EIF4G3: variants seen among roughly 807,000 people sequenced by gnomAD.
The protein encoded by EIF4G3 is eukaryotic translation initiation factor 4 gamma 3.
In EIF4G3, 34 loss-of-function variants were observed where a neutral mutation model predicts 186.4. The observed-to-expected ratio is 0.18, with a 90% CI of 0.14 to 0.24. EIF4G3 has a LOEUF of 0.24. EIF4G3 is among the 10% of genes least tolerant of loss of function. The pLI, the probability that EIF4G3 is intolerant of heterozygous loss-of-function variation, is 1.00. For missense variants in EIF4G3, 1,536 were observed against 1,948.5 expected (o/e 0.79, Z 3.99); for synonymous variants, 673 against 679.5 (o/e 0.99, Z 0.15).
chr1:20,909,812 T>G (rs1412151686), intron 14 of EIF4G3, among the ~76,000 whole-genome samples: 1 of 151,226 alleles, frequency 6.6e-6, no homozygotes, highest in South Asian at 2.1e-4. Flanking sequence ...GACATGGTCT[T>G]CCTTTGTTGC....
chr1:20,984,513 GA>G (rs1330211015), intron 7 of EIF4G3, among the ~76,000 whole-genome samples: 3 of 150,510 alleles, frequency 2.0e-5, no homozygotes, highest in Non-Finnish European at 3.0e-5. Flanking sequence ...AAGCTAAAGA[GA>G]AATGTATTTG....
At chr1:21,115,993 C>T (rs1221234302) in intron 2 of EIF4G3, among the ~76,000 whole-genome samples, 1 of 151,930 alleles carries the variant, frequency 6.6e-6, no homozygotes, top group African/African-American at 2.4e-5. Context: ...CAAAGTGCTA[C>T]GATTACAGGT....
At chr1:20,968,886 T>C (rs1399241284) in intron 12 of EIF4G3, among the ~76,000 whole-genome samples, 1 of 152,152 alleles carries the variant, frequency 6.6e-6, no homozygotes, top group Non-Finnish European at 1.5e-5. Flanking sequence ...ACCACGAATT[T>C]TGGTACTGTG....
chr1:21,117,192 T>C (rs944289444), intron 2 of EIF4G3, among the ~76,000 whole-genome samples: 2 of 152,154 alleles, frequency 1.3e-5, no homozygotes, highest in East Asian at 3.8e-4. Flanking sequence ...AAAGGCATTT[T>C]TGAATTATCC....
intron 34 of EIF4G3, among the ~76,000 whole-genome samples, chr1:20,816,154 T>C (rs2060752264): frequency 9.0e-6 from 1 of 111,620 alleles, no homozygotes; most frequent in African/African-American, 3.6e-5. Flanking sequence ...GAGGGGCGCC[T>C]CTGCCCGGCC....
At chr1:21,014,686 G>A (rs2088338079) in intron 4 of EIF4G3, among the ~76,000 whole-genome samples, 1 of 146,284 alleles carries the variant, frequency 6.8e-6, no homozygotes. Flanking sequence ...CCTGGCTGGA[G>A]TGCAGTGGCA....
At chr1:20,895,617 T>G in intron 16 of EIF4G3, 116 bp from the exon 17 acceptor site, 1 of 1,144,268 alleles carries the variant, frequency 8.7e-7, no homozygotes, top group East Asian at 2.4e-5. Context: ...TACAACATTA[T>G]AGCCCATAAG....
intron 23 of EIF4G3, among the ~76,000 whole-genome samples, chr1:20,861,906 G>A (rs913462077): frequency 2.6e-5 from 4 of 152,038 alleles, no homozygotes; most frequent in Admixed American, 6.6e-5. Flanking sequence ...CCTGGGAGGC[G>A]GAGGCTGCAG....
At chr1:21,174,656 A>T (rs1459341906) in intron 2 of EIF4G3, 1 of 152,242 alleles carries the variant, frequency 6.6e-6, no homozygotes, top group African/African-American at 2.4e-5. Context: ...TCTGCCTTTA[A>T]GTAGGCAAAC....
rs1000702228 is a variant in EIF4G3, at chr1:21,125,787, C to T, written c.-271-36574G>A. On this transcript the variant is annotated intron_variant, in intron 2 of 36. Transcript: ENST00000602326. The stretch of plus-strand genomic sequence containing the variant: ...ATATATATATACACACACACACACA[C>T]ACACACACACACACACACTCTTATT... 7.1e-4 allele frequency among the ~76,000 whole-genome samples: 105 copies of T among 147,210 alleles called. 1 individual carries two copies. In the East Asian group the frequency reaches 8.3e-3, roughly 12 times the overall value.
chr1:21,083,037 C>CA lies in EIF4G3; in HGVS notation c.-196+6100dup, dbSNP rs544781256. On this transcript the variant is annotated intron_variant, in intron 3 of 36. Coordinates refer to ENST00000602326, the MANE Select transcript of EIF4G3 (RefSeq NM_001391906.1). ...TGGGAGACACAGCGAGACTCTGTCTCAAAAAAAAAAAAAAAAAAAAAAAAA... is the reference window on the plus strand; with the variant it reads ...TGGGAGACACAGCGAGACTCTGTCTCAAAAAAAAAAAAAAAAAAAAAAAAAA... Among the ~76,000 whole-genome samples, 158 of 66,422 alleles carry CA rather than the reference C, an allele frequency of 2.4e-3. 16 individuals are homozygous for CA. Among genetic ancestry groups the CA allele is most frequent in the African/African-American group, 0.011 (140 of 12,576 alleles). 43.6% of individuals were successfully genotyped at this position (66,422 alleles called of 152,430 possible).
At chr1:21,066,367 A>G (rs1239748938) in intron 3 of EIF4G3, among the ~76,000 whole-genome samples, 7 of 152,138 alleles carry the variant, frequency 4.6e-5, no homozygotes, top group Non-Finnish European at 1.0e-4. Context: ...TATTGAACAA[A>G]GAATAACAAT....
At chr1:21,126,437 G>A (rs1290195443) in intron 2 of EIF4G3, among the ~76,000 whole-genome samples, 1 of 151,994 alleles carries the variant, frequency 6.6e-6, no homozygotes, top group African/African-American at 2.4e-5. Context: ...GGCCGAGGTA[G>A]GTTGCTTGAG....
At chr1:20,941,236 C>T in intron 14 of EIF4G3, 1 of 1,535,360 alleles carries the variant, frequency 6.5e-7, no homozygotes, top group East Asian at 2.5e-5. Context: ...ACAACAAAAC[C>T]CAACATGTTT....
rs377164469 is a variant in EIF4G3 at position 20,843,524 on chromosome 1, T to A, written c.3889-2496A>T. On this transcript the variant is annotated intron_variant, in intron 29 of 36. Coordinates refer to ENST00000602326, the MANE Select transcript of EIF4G3 (RefSeq NM_001391906.1). Reference sequence around the variant, plus strand: ...ACGGTGAGACTCTGTCTCCAAAAAATAAATAAATAAATAAATAAAAATCAT... The same window carrying A: ...ACGGTGAGACTCTGTCTCCAAAAAAAAAATAAATAAATAAATAAAAATCAT... Among the ~76,000 whole-genome samples, 28 of 151,946 alleles carry A rather than the reference T, an allele frequency of 1.8e-4. 1 individual carries two copies. In the East Asian group the frequency reaches 4.3e-3, roughly 23 times the overall value.
intron 3 of EIF4G3, among the ~76,000 whole-genome samples, chr1:21,060,011 G>A (rs947272069): frequency 5.9e-5 from 9 of 152,216 alleles, no homozygotes; most frequent in Admixed American, 3.3e-4. Flanking sequence ...ATAGTGGCCC[G>A]ATCTCGGCTC....
intron 2 of EIF4G3, among the ~76,000 whole-genome samples, chr1:21,094,202 C>G (rs1362224124): frequency 6.6e-6 from 1 of 151,586 alleles, no homozygotes; most frequent in East Asian, 1.9e-4. Context: ...TTGTGGAAGA[C>G]AGTGTGGCGA....
intron 2 of EIF4G3, among the ~76,000 whole-genome samples, chr1:21,093,712 C>A (rs1043554724): frequency 3.9e-5 from 6 of 152,138 alleles, no homozygotes; most frequent in African/African-American, 1.4e-4. Flanking sequence ...AAATGTCCAT[C>A]AATGACAGAC....
chr1:20,879,685 T>C (rs955722376), intron 19 of EIF4G3, among the ~76,000 whole-genome samples, 165 bp from the exon 20 acceptor site: 1 of 152,146 alleles, frequency 6.6e-6, no homozygotes, highest in African/African-American at 2.4e-5. Context: ...TTTTAACAAA[T>C]AGTCAAAAAT....
Sources: gnomAD v4.1 joint callset for allele counts (sites outside exome capture counted in the v4.1 genomes callset) on GRCh38, gnomAD v4.1.1 for gene constraint, MANE v1.5 for transcripts, NCBI Gene and HGNC (gene_info 2026-07-23, HGNC 2026-07-21) for gene names.